The following DOCK10 variants were observed in gnomAD, a reference collection of about 807,000 sequenced individuals.
DOCK10 encodes dedicator of cytokinesis protein 10.
A neutral mutation model predicts 280.1 loss-of-function variants in DOCK10; 145 were observed. The observed-to-expected ratio is 0.52, with a 90% CI of 0.45 to 0.59. The LOEUF (loss-of-function observed/expected upper bound fraction) is 0.59. DOCK10 is among the 20% of genes least tolerant of loss of function. DOCK10 has a pLI of 0.00. For synonymous variants in DOCK10, 915 were observed against 942.2 expected (o/e 0.97, Z 0.53); for missense variants, 2,368 against 2,651.7 (o/e 0.89, Z 2.35).
intron 2 of DOCK10, 59 bp downstream of exon 2, chr2:224,931,490 C>A: frequency 1.0e-5 from 16 of 1,531,918 alleles, no homozygotes; most frequent in Non-Finnish European, 1.4e-5. Flanking sequence ...CAGGGAAAGA[C>A]AATGACCCAA....
intron 55 of DOCK10, among the ~76,000 whole-genome samples, chr2:224,769,923 G>C (rs1690308175): frequency 6.6e-6 from 1 of 152,216 alleles, no homozygotes; most frequent in South Asian, 2.1e-4. Context: ...ATGCCACCCA[G>C]TGTTCCTCAG....
At chr2:224,968,234 G>T (rs1704885640) in intron 1 of DOCK10, among the ~76,000 whole-genome samples, 1 of 152,118 alleles carries the variant, frequency 6.6e-6, no homozygotes, top group Non-Finnish European at 1.5e-5. Context: ...TATTTTTGCT[G>T]ACCGAAATAA....
chr2:224,807,404 G>A, intron 33 of DOCK10: 2 of 298,768 alleles, frequency 6.7e-6, no homozygotes, highest in East Asian at 1.2e-4. Context: ...TTGCAACAGA[G>A]GAACCTGTAA....
intron 24 of DOCK10, among the ~76,000 whole-genome samples, chr2:224,839,673 C>T (rs1266161440): frequency 6.6e-6 from 1 of 152,132 alleles, no homozygotes; most frequent in Non-Finnish European, 1.5e-5. Context: ...AGGTAAAGGG[C>T]ACATGGGAAA....
intron 19 of DOCK10, among the ~76,000 whole-genome samples, chr2:224,846,846 A>G (rs925901769): frequency 1.3e-5 from 2 of 152,196 alleles, no homozygotes; most frequent in African/African-American, 4.8e-5. Context: ...TTGTAGAGAC[A>G]GATGTCTTAC....
At chr2:224,823,389 G>A in intron 28 of DOCK10, 112 bp downstream of exon 28, 1 of 866,988 alleles carries the variant, frequency 1.2e-6, no homozygotes. Context: ...ATCTGACAGT[G>A]CTAGTTTTGA....
At chr2:224,897,565 C>T (rs1048525222) in intron 3 of DOCK10, among the ~76,000 whole-genome samples, 10 of 152,200 alleles carry the variant, frequency 6.6e-5, no homozygotes, top group Non-Finnish European at 1.0e-4. Context: ...CCCCAGCCTC[C>T]GGTAACCACC....
intron 39 of DOCK10, among the ~76,000 whole-genome samples, chr2:224,802,531 T>A (rs985115632): frequency 6.6e-6 from 1 of 152,160 alleles, no homozygotes; most frequent in African/African-American, 2.4e-5. Context: ...TGATGTCATG[T>A]CCACAGGGGG....
intron 48 of DOCK10, among the ~76,000 whole-genome samples, chr2:224,788,134 C>T (rs999276958): frequency 1.3e-5 from 2 of 152,062 alleles, no homozygotes; most frequent in African/African-American, 4.8e-5. Context: ...GTATATGATA[C>T]CTAGATTTGG....
intron 1 of DOCK10, among the ~76,000 whole-genome samples, chr2:224,965,398 A>T (rs1323132514): frequency 6.6e-6 from 1 of 152,212 alleles, no homozygotes; most frequent in Non-Finnish European, 1.5e-5. Context: ...GTTCCTACAC[A>T]AGACGGTCTG....
chr2:224,803,260 T>C (rs1245447479), intron 39 of DOCK10, among the ~76,000 whole-genome samples: 1 of 152,132 alleles, frequency 6.6e-6, no homozygotes, highest in Non-Finnish European at 1.5e-5. Context: ...CTGTCCTCTA[T>C]TATTTTTTGC....
rs1692358709 is a variant in DOCK10, at chr2:224,793,580, A to G, written c.5155-123T>C. On this transcript the variant is annotated intron_variant, in intron 45 of 55. Coordinates refer to ENST00000258390, the MANE Select transcript of DOCK10 (RefSeq NM_014689.3). ...TTAGAAGGATCCTTTGTAATCACCA[A>G]ATTGAAAGCAAGGATCAATTGTATT... 4.9e-6 allele frequency: 3 copies of G among 615,174 alleles called. No individual in the cohort carries two copies. In the South Asian group the frequency reaches 9.2e-5, roughly 19 times the overall value. The allele number at this position is 615,174 out of a possible 1,614,324, so 38.1% of individuals were successfully genotyped here.
intron 50 of DOCK10, among the ~76,000 whole-genome samples, chr2:224,783,876 A>G (rs1468674327): frequency 6.6e-6 from 1 of 152,234 alleles, no homozygotes; most frequent in Non-Finnish European, 1.5e-5. Flanking sequence ...TGTACTGGTC[A>G]GACAAGTAGG....
chr2:224,952,700 C>A (rs1416562777), intron 1 of DOCK10, among the ~76,000 whole-genome samples: 3 of 149,742 alleles, frequency 2.0e-5, no homozygotes, highest in Admixed American at 2.0e-4. Context: ...TCACGCCATT[C>A]TCCTGCCTCA....
At chr2:224,802,512 T>G (rs953615615) in intron 39 of DOCK10, among the ~76,000 whole-genome samples, 2 of 152,184 alleles carry the variant, frequency 1.3e-5, no homozygotes, top group African/African-American at 4.8e-5. Context: ...TGTTGATTTG[T>G]CATTTCACTG....
intron 2 of DOCK10, among the ~76,000 whole-genome samples, chr2:224,920,472 T>C (rs1277717745): frequency 6.6e-6 from 1 of 152,124 alleles, no homozygotes; most frequent in East Asian, 1.9e-4. Context: ...TAAACTATAT[T>C]GAAGTTTTGG....
At chr2:224,856,759 A>T in intron 15 of DOCK10, 101 bp downstream of exon 15, 1 of 1,107,298 alleles carries the variant, frequency 9.0e-7, no homozygotes, top group Non-Finnish European at 1.2e-6. Flanking sequence ...TGCTTTCTGG[A>T]GGTTTGGGTG....
intron 1 of DOCK10, among the ~76,000 whole-genome samples, chr2:225,001,018 G>T (rs1196530414): frequency 6.6e-6 from 1 of 152,208 alleles, no homozygotes; most frequent in Non-Finnish European, 1.5e-5. Flanking sequence ...TGTTAATCTG[G>T]CTAATGATGT....
At position 225,042,169 on chromosome 2, in the gene DOCK10, G is replaced by C; in HGVS notation, c.123+83C>G. 1 of 1,207,492 alleles carries C rather than the reference G, an allele frequency of 8.3e-7. No individual in the cohort carries two copies. Among genetic ancestry groups the C allele is most frequent in the Non-Finnish European group, 1.0e-6 (1 of 970,554 alleles). 74.8% of individuals were successfully genotyped at this position (1,207,492 alleles called of 1,614,324 possible). ...CCGTGAGCTGCGGGGACCTGGGCCC[G>C]CCGAGCTTTTGGGGAAGCTGGGCTC... On this transcript the variant is annotated intron_variant, in intron 1 of 55. Transcript: ENST00000258390. The surrounding 1 kb of genome is among the most constrained non-coding windows in gnomAD (Gnocchi z 5.1).
Sources: allele counts gnomAD v4.1 joint callset (sites outside exome capture counted in the v4.1 genomes callset), GRCh38; gene constraint gnomAD v4.1.1; non-coding constraint Gnocchi (gnomAD v3.1); transcripts MANE v1.5; gene names NCBI Gene and HGNC (gene_info 2026-07-23, HGNC 2026-07-21).